TRIM62: variants seen among roughly 807,000 people sequenced by gnomAD.
TRIM62 encodes the protein E3 ubiquitin-protein ligase TRIM62.
A neutral mutation model predicts 44.2 loss-of-function variants in TRIM62; 39 were observed. The ratio of observed to expected loss-of-function variants is 0.88; its 90% CI spans 0.68 to 1.15. The LOEUF is 1.15. Ranked by LOEUF, TRIM62 falls within the 50% of genes most tolerant of loss-of-function variation. The pLI is 0.00. For synonymous variants in TRIM62, 278 were observed against 292.3 expected, an observed-to-expected ratio of 0.95 and a Z score of 0.50; for missense variants, 544 against 665.5, an observed-to-expected ratio of 0.82 and a Z score of 2.01.
intron 1 of TRIM62, among the ~76,000 whole-genome samples, chr1:33,168,636 C>T (rs1032311749): frequency 6.6e-6 from 1 of 152,228 alleles, no homozygotes; most frequent in African/African-American, 2.4e-5. Flanking sequence ...GGCTCTGTTA[C>T]TAACAGCTGA....
At chr1:33,179,068 C>G (rs1043428456) in intron 1 of TRIM62, among the ~76,000 whole-genome samples, 12 of 152,248 alleles carry the variant, frequency 7.9e-5, no homozygotes, top group Non-Finnish European at 1.2e-4. Context: ...AGTCACATAA[C>G]TTCTCCAGGC....
At chr1:33,176,410 G>C (rs897564090) in intron 1 of TRIM62, 1 of 696,736 alleles carries the variant, frequency 1.4e-6, no homozygotes, top group South Asian at 1.5e-5. Context: ...CTGCCTACCA[G>C]GGCTTGCGTC....
intron 4 of TRIM62, among the ~76,000 whole-genome samples, chr1:33,157,796 G>T (rs899644456): frequency 2.0e-5 from 3 of 150,234 alleles, no homozygotes; most frequent in Non-Finnish European, 4.4e-5. Flanking sequence ...TTGCTCTGTT[G>T]CCCAGGCTGG....
chr1:33,155,530 A>C (rs187497809), intron 4 of TRIM62, among the ~76,000 whole-genome samples: 3 of 152,152 alleles, frequency 2.0e-5, no homozygotes, highest in Admixed American at 6.5e-5. Flanking sequence ...GGTGTGTGTG[A>C]GGTCAGAGAA....
At chr1:33,178,249 C>G (rs1384339572) in intron 1 of TRIM62, among the ~76,000 whole-genome samples, 1 of 152,200 alleles carries the variant, frequency 6.6e-6, no homozygotes, top group East Asian at 1.9e-4. Context: ...GGCCCCAGCT[C>G]CATCAGCTGC....
In TRIM62 at chr1:33,147,456, G is replaced by T; in HGVS notation, c.1149C>A (p.Ser383Arg). ...SRKGSIQIQPSRGFYCIVMHD... is the reference protein window; with the variant it reads ...SRKGSIQIQPRRGFYCIVMHD... ...GCATCACGATGCAGTAGAAGCCGCG[G>T]CTGGGCTGGATCTGGATGCTGCCCT... The change falls in exon 5 of 5, where the codon AGC (serine) becomes AGA (arginine). Residue 383 changes from serine (S) to arginine (R), a missense_variant. Physicochemically the swap from Ser to Arg is moderately radical, Grantham distance 110. Coordinates refer to ENST00000291416, the MANE Select transcript of TRIM62 (RefSeq NM_018207.3). This position sits in a 1 kb window ranked among gnomAD's most constrained non-coding sequence, Gnocchi z 8.1. 6.2e-7 allele frequency: 1 copy of T among 1,614,026 alleles called. No homozygotes were observed. Among genetic ancestry groups the T allele is most frequent in the Non-Finnish European group, 8.5e-7 (1 of 1,180,032 alleles).
At chr1:33,173,642 A>G (rs1445636606) in intron 1 of TRIM62, among the ~76,000 whole-genome samples, 1 of 150,650 alleles carries the variant, frequency 6.6e-6, no homozygotes, top group East Asian at 1.9e-4. Flanking sequence ...CTTCAGGGAC[A>G]CTTAGTGGTT....
rs1247745571 is a variant in TRIM62 at position 33,161,045 on chromosome 1, G to A, written c.505-1101C>T. Among the ~76,000 whole-genome samples, 1 of 152,258 alleles carries A rather than the reference G, an allele frequency of 6.6e-6. No individual in the cohort carries two copies. The highest frequency in any genetic ancestry group is 1.5e-5 in the Non-Finnish European group (1 of 68,036). ...TGGGTCTCTAGCTATGGCAACGTCAGTTGCCTAAGAGCTGTGAACCTTAGT... is the reference window on the plus strand; with the variant it reads ...TGGGTCTCTAGCTATGGCAACGTCAATTGCCTAAGAGCTGTGAACCTTAGT... On this transcript the variant is annotated intron_variant, in intron 2 of 4. Coordinates refer to ENST00000291416, the MANE Select transcript of TRIM62 (RefSeq NM_018207.3). The surrounding 1 kb of genome is among the most constrained non-coding windows in gnomAD (Gnocchi z 4.3).
chr1:33,154,446 C>T (rs767030992), intron 4 of TRIM62, among the ~76,000 whole-genome samples: 8 of 152,122 alleles, frequency 5.3e-5, no homozygotes, highest in Non-Finnish European at 1.0e-4. Flanking sequence ...TTCTCTCTTC[C>T]ATTATCTTGC....
In TRIM62 at chr1:33,147,826, G is replaced by A; in HGVS notation, c.878-99C>T. On this transcript the variant is annotated intron_variant, in intron 4 of 4. Transcript: ENST00000291416. This position sits in a 1 kb window ranked among gnomAD's most constrained non-coding sequence, Gnocchi z 8.1. ...GGGCAGAGTTCTGGTTGGTACGCAG[G>A]AGGCCTCTGACCTGCTGTGTGACCT... is the stretch of plus-strand genomic sequence containing the variant. 1 of 1,377,020 alleles carries A rather than the reference G, an allele frequency of 7.3e-7. No individual in the cohort carries two copies. Among genetic ancestry groups the A allele is most frequent in the Non-Finnish European group, 9.9e-7 (1 of 1,012,822 alleles). The allele number at this position is 1,377,020 out of a possible 1,614,324, so 85.3% of individuals were successfully genotyped here. A position where few individuals can be genotyped will look rare whatever the true frequency, so the allele number is the denominator to read the frequency against.
rs1645337148 is a variant in TRIM62 at position 33,167,286 on chromosome 1, A to C, written c.409-1720T>G. On this transcript the variant is annotated intron_variant, in intron 1 of 4. Transcript: ENST00000291416. The surrounding 1 kb of genome is among the most constrained non-coding windows in gnomAD (Gnocchi z 4.2). The stretch of plus-strand genomic sequence containing the variant: ...TCTGAATATATTTGACTGTGTGTTT[A>C]TTGCTTATCTCCTCACTAGAATGTG... Among the ~76,000 whole-genome samples the C allele has an allele frequency of 6.6e-6, 1 of 152,072 alleles. No individual in the cohort carries two copies. The highest frequency in any genetic ancestry group is 1.5e-5 in the Non-Finnish European group (1 of 68,020).
intron 1 of TRIM62, among the ~76,000 whole-genome samples, chr1:33,169,796 T>A (rs1339639881): frequency 6.6e-6 from 1 of 152,236 alleles, no homozygotes; most frequent in Non-Finnish European, 1.5e-5. Context: ...TGGGCTGCTG[T>A]ATCAGACAGT....
At chr1:33,155,315 G>T (rs1055108782) in intron 4 of TRIM62, among the ~76,000 whole-genome samples, 1 of 151,784 alleles carries the variant, frequency 6.6e-6, no homozygotes, top group Admixed American at 6.6e-5. Context: ...CAAGTGATCC[G>T]CCTGCCTTGC....
At chr1:33,176,312 T>C (rs1405800646) in intron 1 of TRIM62, 1 of 602,046 alleles carries the variant, frequency 1.7e-6, no homozygotes, top group East Asian at 2.9e-5. Flanking sequence ...CCCCCTCTCC[T>C]GGAAGAAACC....
chr1:33,172,390 G>T (rs1437776614), intron 1 of TRIM62, among the ~76,000 whole-genome samples: 1 of 152,120 alleles, frequency 6.6e-6, no homozygotes, highest in Non-Finnish European at 1.5e-5. Flanking sequence ...TGTGCAGGAA[G>T]TCGGGGTGGT....
rs1391850134 is a variant in TRIM62 at position 33,177,177 on chromosome 1, T to G, written c.408+3848A>C. 2.0e-5 allele frequency among the ~76,000 whole-genome samples: 3 copies of G among 152,170 alleles called. No homozygotes were observed. Among genetic ancestry groups the G allele is most frequent in the Admixed American group, 2.0e-4 (3 of 15,286 alleles). ...CAGGTTACATAAAAATCCTTAGAAC[T>G]GTATAGTAACTCCTGCCATGTTTCA... On this transcript the variant is annotated intron_variant, in intron 1 of 4. Transcript: ENST00000291416. This position sits in a 1 kb window ranked among gnomAD's most constrained non-coding sequence, Gnocchi z 4.1.
intron 1 of TRIM62, among the ~76,000 whole-genome samples, 189 bp downstream of exon 1, chr1:33,180,836 C>A (rs566990828): frequency 2.2e-3 from 338 of 151,430 alleles, no homozygotes; most frequent in East Asian, 0.016. Context: ...CCCCCACGGC[C>A]CCGCCATGCG....
In TRIM62 at chr1:33,159,813, C is replaced by T; in HGVS notation, c.636G>A (p.Glu212=). Residue 212 remains glutamate, a synonymous_variant, in exon 3 of 5, where the codon GAG becomes GAA. Coordinates refer to ENST00000291416, the MANE Select transcript of TRIM62 (RefSeq NM_018207.3). This position sits in a 1 kb window ranked among gnomAD's most constrained non-coding sequence, Gnocchi z 4.2. ...GCTGGCTGTAGCGCTGGACTTTCTG[C>T]TCGATGTCGGTCAGCGTGCGGGCCG... ...ADTARTLTDI[E]QKVQRYSQQL... 1 of 1,613,894 alleles carries T rather than the reference C, an allele frequency of 6.2e-7. No homozygotes were observed. Among genetic ancestry groups the T allele is most frequent in the Non-Finnish European group, 8.5e-7 (1 of 1,180,000 alleles).
rs756653942 is a variant in TRIM62 at position 33,147,439 on chromosome 1, A to G, written c.1166T>C (p.Ile389Thr). Residue 389 changes from isoleucine to threonine, a missense_variant, in exon 5 of 5, where the codon ATC (isoleucine) becomes ACC (threonine). Ile to Thr is a moderately conservative substitution (Grantham distance 89). Transcript: ENST00000291416. This position sits in a 1 kb window ranked among gnomAD's most constrained non-coding sequence, Gnocchi z 8.1. ...GTACTGGTTGCCATCGTGCATCACGATGCAGTAGAAGCCGCGGCTGGGCTG... is the reference window on the plus strand; with the variant it reads ...GTACTGGTTGCCATCGTGCATCACGGTGCAGTAGAAGCCGCGGCTGGGCTG... ...QIQPSRGFYC[I>T]VMHDGNQYSA... 1.2e-6 allele frequency: 2 copies of G among 1,613,964 alleles called. No homozygotes were observed. Among genetic ancestry groups the G allele is most frequent in the Non-Finnish European group, 1.7e-6 (2 of 1,179,998 alleles).
Sources: allele counts gnomAD v4.1 joint callset (sites outside exome capture counted in the v4.1 genomes callset), GRCh38; gene constraint gnomAD v4.1.1; non-coding constraint Gnocchi (gnomAD v3.1); transcripts MANE v1.5; gene names NCBI Gene and HGNC (gene_info 2026-07-23, HGNC 2026-07-21).